Variants in ATP9B observed in about 807,000 individuals in gnomAD.
ATP9B encodes ATPase phospholipid transporting 9B.
A neutral mutation model predicts 146.1 loss-of-function variants in ATP9B; 110 were observed. The observed-to-expected ratio is 0.75, with a 90% CI of 0.65 to 0.88. The LOEUF is 0.88. Ranked by LOEUF, ATP9B falls within the 40% of genes least tolerant of loss-of-function variation. The pLI is 0.00. For synonymous variants in ATP9B, 604 were observed against 569.7 expected, an observed-to-expected ratio of 1.06 and a Z score of -0.86; for missense variants, 1,499 against 1,496.4, an observed-to-expected ratio of 1.00 and a Z score of -0.03.
chr18:79,325,126 A>G (rs1395379549), intron 15 of ATP9B, among the ~76,000 whole-genome samples: 1 of 152,210 alleles, frequency 6.6e-6, no homozygotes, highest in Non-Finnish European at 1.5e-5. Context: ...CGGAGGACAC[A>G]GGTCGTTTGT....
intron 11 of ATP9B, among the ~76,000 whole-genome samples, chr18:79,249,367 G>A (rs553648378): frequency 5.9e-4 from 90 of 152,132 alleles, no homozygotes; most frequent in Non-Finnish European, 4.4e-4. Context: ...ATTTGCAGTA[G>A]CATATTTAAT....
At chr18:79,199,224 T>G (rs1201093650) in intron 9 of ATP9B, among the ~76,000 whole-genome samples, 1 of 152,128 alleles carries the variant, frequency 6.6e-6, no homozygotes, top group Admixed American at 6.5e-5. Context: ...GTGCTGGGAT[T>G]ACAGGCATGA....
intron 1 of ATP9B, among the ~76,000 whole-genome samples, chr18:79,088,206 T>C (rs1340259812): frequency 1.3e-5 from 2 of 152,260 alleles, no homozygotes; most frequent in Non-Finnish European, 2.9e-5. Flanking sequence ...CTCGTTGTGC[T>C]GCGTTTCCCG....
chr18:79,320,674 G>C (rs1209317482), intron 15 of ATP9B, among the ~76,000 whole-genome samples: 1 of 152,176 alleles, frequency 6.6e-6, no homozygotes. Flanking sequence ...TGGACCATCT[G>C]GTTGGCTGGC....
chr18:79,225,788 C>G (rs1376098531), intron 11 of ATP9B, among the ~76,000 whole-genome samples: 46 of 100,446 alleles, frequency 4.6e-4, no homozygotes, highest in African/African-American at 1.6e-3. Context: ...CTGAGTGACT[C>G]TTGGGTCCCG....
chr18:79,075,326 A>AT (rs1555726687), intron 1 of ATP9B, among the ~76,000 whole-genome samples: 4 of 151,358 alleles, frequency 2.6e-5, no homozygotes, highest in Non-Finnish European at 4.4e-5. Flanking sequence ...TAATTTTTTA[A>AT]TTTTTTTTTG....
At chr18:79,309,363 G>T (rs1226317690) in intron 15 of ATP9B, among the ~76,000 whole-genome samples, 1 of 140,896 alleles carries the variant, frequency 7.1e-6, no homozygotes, top group African/African-American at 2.8e-5. Context: ...AGGGGCTGAG[G>T]AGTGATCCCC....
At chr18:79,194,394 G>C (rs974519983) in intron 9 of ATP9B, 1 of 152,140 alleles carries the variant, frequency 6.6e-6, no homozygotes, top group Admixed American at 6.5e-5. Flanking sequence ...AGTCGGAAAT[G>C]TTCGCTAGAC....
chr18:79,351,887 G>A (rs190633046), intron 25 of ATP9B, among the ~76,000 whole-genome samples: 5 of 152,214 alleles, frequency 3.3e-5, no homozygotes, highest in Admixed American at 3.3e-4. Context: ...GGAGGTTCCT[G>A]TGACCCCCAA....
chr18:79,200,750 T>TGGGAACTGTCAGGGTCAGAGCAGAGGC (rs2095470870), intron 9 of ATP9B, among the ~76,000 whole-genome samples: 3 of 73,880 alleles, frequency 4.1e-5, no homozygotes, highest in African/African-American at 1.8e-4. Flanking sequence ...AGAGCAGAGG[T>TGGGAACTGTCAGGGTCAGAGCAGAGGC]GGAGGTGGGA....
At chr18:79,147,372 T>C (rs769953738) in intron 6 of ATP9B, among the ~76,000 whole-genome samples, 2 of 152,228 alleles carry the variant, frequency 1.3e-5, no homozygotes, top group Non-Finnish European at 2.9e-5. Context: ...CCACCGTACC[T>C]GTCAGTAGGA....
At chr18:79,362,063 A>G (rs1371557659) in intron 26 of ATP9B, 1 of 152,316 alleles carries the variant, frequency 6.6e-6, no homozygotes. Context: ...CGGTCCAGTC[A>G]GTTCTGAGTC....
intron 25 of ATP9B, among the ~76,000 whole-genome samples, chr18:79,350,464 G>A (rs751289327): frequency 1.3e-5 from 2 of 152,196 alleles, no homozygotes; most frequent in South Asian, 4.1e-4. Context: ...GGCCGCTGAG[G>A]CTCCCTCAGC....
chr18:79,128,482 A>T (rs1803512983), intron 5 of ATP9B, among the ~76,000 whole-genome samples: 1 of 152,112 alleles, frequency 6.6e-6, no homozygotes, highest in South Asian at 2.1e-4. Flanking sequence ...TTTTTTCTCC[A>T]TGGAGTTGAA....
At chr18:79,131,160 C>CA (rs886425956) in intron 5 of ATP9B, among the ~76,000 whole-genome samples, 34 of 143,348 alleles carry the variant, frequency 2.4e-4, no homozygotes, top group South Asian at 2.2e-4. Context: ...GACTCCGTCT[C>CA]AAAAAAAAAA....
At chr18:79,204,021 T>A (rs2095512592) in intron 9 of ATP9B, among the ~76,000 whole-genome samples, 1 of 152,224 alleles carries the variant, frequency 6.6e-6, no homozygotes, top group African/African-American at 2.4e-5. Context: ...TACTTGCTTT[T>A]TCTTTAAAGT....
intron 16 of ATP9B, 70 bp from the exon 17 acceptor site, chr18:79,329,942 T>C (rs1299062714): frequency 6.6e-6 from 9 of 1,360,744 alleles, no homozygotes; most frequent in Non-Finnish European, 9.5e-6. Context: ...TATGTTTTAT[T>C]AGACTAGCAG....
chr18:79,253,480 G>A lies in ATP9B; in HGVS notation c.1207G>A (p.Gly403Ser), dbSNP rs755385239. The A allele has an allele frequency of 7.4e-6, 12 of 1,611,828 alleles. No individual in the cohort carries two copies. In the African/African-American group the frequency reaches 1.6e-4, roughly 22 times the overall value. Residue 403 changes from glycine to serine, a missense_variant, in exon 12 of 30, where the codon GGT becomes AGT. Physicochemically the swap from Gly to Ser is moderately conservative, Grantham distance 56. Transcript: ENST00000426216. ...TATGGTAACCTTACAAGGATTTGTG[G>A]GTCCATGGTACCGCAATCTTTTTCG... ...IVMVTLQGFV[G>S]PWYRNLFRFL...
At chr18:79,203,745 A>G (rs934194111) in intron 9 of ATP9B, among the ~76,000 whole-genome samples, 24 of 152,238 alleles carry the variant, frequency 1.6e-4, no homozygotes, top group African/African-American at 5.1e-4. Flanking sequence ...TGCCAACTGT[A>G]TGCTCAATTG....
Sources: allele counts gnomAD v4.1 joint callset (sites outside exome capture counted in the v4.1 genomes callset), GRCh38; gene constraint gnomAD v4.1.1; transcripts MANE v1.5; gene names NCBI Gene and HGNC (gene_info 2026-07-23, HGNC 2026-07-21).